The following HCFC2 variants were observed in gnomAD, a reference collection of about 807,000 sequenced individuals.
HCFC2 encodes the protein host cell factor C2, also known as host cell factor 2.
A neutral mutation model predicts 89.2 loss-of-function variants in HCFC2; 18 were observed. The ratio of observed to expected loss-of-function variants is 0.20; its 90% CI spans 0.14 to 0.30. The LOEUF is 0.30. HCFC2 is among the 10% of genes least tolerant of loss of function. HCFC2 has a pLI of 1.00. For synonymous variants in HCFC2, 308 were observed against 335.7 expected (o/e 0.92, Z 0.90); for missense variants, 578 against 956.1 (o/e 0.60, Z 5.21).
chr12:104,082,852 A>G lies in HCFC2; in HGVS notation c.1014A>G (p.Lys338=). ...GGAGTGGAAGAGATGGCTACAAAAA[A>G]GCACTGAATAGTCAAGTTTGCTGCA... ...YFWSGRDGYK[K]ALNSQVCCKD... The change falls in exon 7 of 15, where the codon AAA becomes AAG. Residue 338 remains lysine (K), a synonymous_variant. Transcript: ENST00000229330. 6.2e-7 allele frequency: 1 copy of G among 1,613,134 alleles called. No homozygotes were observed. Among genetic ancestry groups the G allele is most frequent in the Non-Finnish European group, 8.5e-7 (1 of 1,179,728 alleles).
chr12:104,065,107 T>C (rs1883042699), intron 1 of HCFC2: 1 of 165,336 alleles, frequency 6.0e-6, no homozygotes. Flanking sequence ...CCTTAGGGCC[T>C]TTCCCGTCTT....
intron 9 of HCFC2, among the ~76,000 whole-genome samples, chr12:104,089,575 G>A (rs942306807): frequency 5.3e-5 from 8 of 152,166 alleles, no homozygotes; most frequent in Non-Finnish European, 1.0e-4. Flanking sequence ...AACTCATGTT[G>A]TTGAAGGGTC....
intron 7 of HCFC2, among the ~76,000 whole-genome samples, chr12:104,083,575 G>A (rs1329851982): frequency 6.6e-6 from 1 of 152,126 alleles, no homozygotes; most frequent in Non-Finnish European, 1.5e-5. Flanking sequence ...TGAGTTAATA[G>A]TATTACACCA....
In HCFC2 at chr12:104,100,839, G is replaced by A. The variant is rs190287470; in HGVS notation, c.1879-1129G>A. ...GTAGTTTGATTTCATATATAAAGAC[G>A]TGTCTGTGTCTAGGGGCCTAGTAGC... On this transcript the variant is annotated intron_variant, in intron 13 of 14. Coordinates refer to ENST00000229330, the MANE Select transcript of HCFC2 (RefSeq NM_013320.3). 3.1e-4 allele frequency among the ~76,000 whole-genome samples: 47 copies of A among 152,096 alleles called. 1 individual carries two copies. The highest frequency in any genetic ancestry group is 2.9e-3 in the Admixed American group (45 of 15,266).
intron 13 of HCFC2, among the ~76,000 whole-genome samples, chr12:104,100,892 T>A (rs1349796290): frequency 1.3e-5 from 2 of 152,060 alleles, no homozygotes; most frequent in Non-Finnish European, 2.9e-5. Context: ...AAGAAAAAAA[T>A]AGCCTAAAAT....
At chr12:104,070,560 G>A (rs1883289405) in intron 3 of HCFC2, among the ~76,000 whole-genome samples, 1 of 152,078 alleles carries the variant, frequency 6.6e-6, no homozygotes, top group Admixed American at 6.6e-5. Flanking sequence ...CAGTGTCATT[G>A]TGATAGTGAA....
chr12:104,081,754 C>T (rs1297769874), intron 5 of HCFC2, among the ~76,000 whole-genome samples: 1 of 151,662 alleles, frequency 6.6e-6, no homozygotes, highest in East Asian at 1.9e-4. Context: ...AAAAATAGAG[C>T]TGTAGCCAGG....
chr12:104,096,968 A>C lies in HCFC2; in HGVS notation c.1740+535A>C, dbSNP rs532499535. On this transcript the variant is annotated intron_variant, in intron 12 of 14. Coordinates refer to ENST00000229330, the MANE Select transcript of HCFC2 (RefSeq NM_013320.3). ...TGCAATAGTGGATTGACATAAATGTAGGGTAGCCCAATAATCTCTGATATT... is the reference window on the plus strand; with the variant it reads ...TGCAATAGTGGATTGACATAAATGTCGGGTAGCCCAATAATCTCTGATATT... Among the ~76,000 whole-genome samples the C allele has an allele frequency of 4.7e-4, 72 of 152,340 alleles. No individual in the cohort carries two copies. In the South Asian group the frequency reaches 0.014, roughly 30 times the overall value.
At chr12:104,071,989 T>A (rs1370631870) in intron 3 of HCFC2, among the ~76,000 whole-genome samples, 1 of 152,252 alleles carries the variant, frequency 6.6e-6, no homozygotes, top group African/African-American at 2.4e-5. Flanking sequence ...ATTGTGCCCG[T>A]TTTGAAATTG....
Position 104,102,989 on chromosome 12 carries a change from C to G in HCFC2, c.2095C>G (p.Pro699Ala). The change falls in exon 15 of 15, where the codon CCT (proline) becomes GCT (alanine). Residue 699 changes from proline to alanine, a missense_variant. Pro to Ala is a conservative substitution (Grantham distance 27). Coordinates refer to ENST00000229330, the MANE Select transcript of HCFC2 (RefSeq NM_013320.3). ...NVEGIHLSWE[P>A]PTSPSGNILE... ...TGAAGGTATCCACCTTTCCTGGGAA[C>G]CTCCAACCTCACCTTCTGGAAATAT... is the stretch of plus-strand genomic sequence containing the variant. The G allele has an allele frequency of 6.2e-7, 1 of 1,610,734 alleles. No homozygotes were observed. Among genetic ancestry groups the G allele is most frequent in the Non-Finnish European group, 8.5e-7 (1 of 1,177,906 alleles).
At chr12:104,069,725 A>G (rs900466853) in intron 3 of HCFC2, among the ~76,000 whole-genome samples, 4 of 151,536 alleles carry the variant, frequency 2.6e-5, no homozygotes, top group African/African-American at 9.7e-5. Context: ...GTGCATGTGC[A>G]GAATGTGCAG....
Position 104,103,090 on chromosome 12 carries a change from G to C in HCFC2, c.2196G>C (p.Arg732Ser). 1 of 1,614,042 alleles carries C rather than the reference G, an allele frequency of 6.2e-7. No homozygotes were observed. Among genetic ancestry groups the C allele is most frequent in the Non-Finnish European group, 8.5e-7 (1 of 1,179,946 alleles). ...QDNPSQLVFMRIYCGLKTSCI... is the reference protein window; with the variant it reads ...QDNPSQLVFMSIYCGLKTSCI... Reference sequence around the variant, plus strand: ...ATCCAAGTCAACTTGTGTTCATGAGGATTTATTGTGGTCTTAAGACATCAT... The same window carrying C: ...ATCCAAGTCAACTTGTGTTCATGAGCATTTATTGTGGTCTTAAGACATCAT... The change falls in exon 15 of 15, where the codon AGG becomes AGC. Residue 732 changes from arginine (R) to serine (S), a missense_variant. Around this residue, in one of 4 missense-constraint regions of HCFC2, gnomAD observed 140 missense variants for 266.4 expected, o/e 0.53. Coordinates refer to ENST00000229330, the MANE Select transcript of HCFC2 (RefSeq NM_013320.3).
intron 3 of HCFC2, among the ~76,000 whole-genome samples, chr12:104,078,218 G>A (rs1180794169): frequency 6.6e-6 from 1 of 152,030 alleles, no homozygotes; most frequent in East Asian, 1.9e-4. Context: ...AGCTAGGATG[G>A]TCTCGATCTC....
At chr12:104,102,399 C>T (rs760842679) in intron 14 of HCFC2, among the ~76,000 whole-genome samples, 16 of 152,062 alleles carry the variant, frequency 1.1e-4, no homozygotes, top group South Asian at 2.1e-4. Flanking sequence ...GTTTGTTGTG[C>T]ACATTATTTC....
In HCFC2 at chr12:104,105,920, T is replaced by C. The variant is rs1342575898; in HGVS notation, c.*2647T>C. 6.6e-6 allele frequency: 1 copy of C among 152,132 alleles called. No individual in the cohort carries two copies. Among genetic ancestry groups the C allele is most frequent in the Non-Finnish European group, 1.5e-5 (1 of 67,960 alleles). The allele number at this position is 152,132 out of a possible 1,614,324, so 9.4% of individuals were successfully genotyped here. ...AAGCAGTTCAAATATAACAAGACTT[T>C]GTGCCAGTCCTCTTCTGTGTTCTGC... On this transcript the variant is annotated 3_prime_UTR_variant, in exon 15 of 15. Transcript: ENST00000229330.
In HCFC2 at chr12:104,095,619, C is replaced by A; in HGVS notation, c.1666+56C>A. 1 of 1,382,658 alleles carries A rather than the reference C, an allele frequency of 7.2e-7. No individual in the cohort carries two copies. The allele number at this position is 1,382,658 out of a possible 1,614,324, so 85.6% of individuals were successfully genotyped here. ...GAACCATTTATGTATATAAATTCATCAAACTTACTTGTCTTAGATGGGAGT... is the reference window on the plus strand; with the variant it reads ...GAACCATTTATGTATATAAATTCATAAAACTTACTTGTCTTAGATGGGAGT... On this transcript the variant is annotated intron_variant, in intron 11 of 14. Coordinates refer to ENST00000229330, the MANE Select transcript of HCFC2 (RefSeq NM_013320.3). The surrounding 1 kb of genome is among the most constrained non-coding windows in gnomAD (Gnocchi z 4.2).
Position 104,087,010 on chromosome 12 carries a change from G to T in HCFC2, c.1227G>T (p.Met409Ile). Residue 409 changes from methionine (M) to isoleucine (I), a missense_variant, in exon 8 of 15, where the codon ATG becomes ATT. By Grantham distance (10) the Met-to-Ile change is conservative. Transcript: ENST00000229330. Reference sequence around the variant, plus strand: ...CAGATTCTTCAGCAGCACCAAATATGCAAGGTAACATAATTTTCATGCTTA... The same window carrying T: ...CAGATTCTTCAGCAGCACCAAATATTCAAGGTAACATAATTTTCATGCTTA... ...ASSDSSAAPN[M>I]QGVRMDPHRQ... is the part of the protein sequence containing the mutation. 6.2e-7 allele frequency: 1 copy of T among 1,613,266 alleles called. No individual in the cohort carries two copies. Among genetic ancestry groups the T allele is most frequent in the Non-Finnish European group, 8.5e-7 (1 of 1,179,482 alleles).
At chr12:104,072,448 T>G (rs1291759878) in intron 3 of HCFC2, among the ~76,000 whole-genome samples, 1 of 152,094 alleles carries the variant, frequency 6.6e-6, no homozygotes, top group Admixed American at 6.5e-5. Context: ...TATATATCAG[T>G]TTGAGGAGAA....
At chr12:104,101,514 T>G (rs537521107) in intron 13 of HCFC2, among the ~76,000 whole-genome samples, 1 of 152,062 alleles carries the variant, frequency 6.6e-6, no homozygotes, top group East Asian at 1.9e-4. Context: ...CTGTACTACA[T>G]GCTAGTCACT....
Sources: gnomAD v4.1 joint callset for allele counts (sites outside exome capture counted in the v4.1 genomes callset) on GRCh38, gnomAD v4.1.1 for gene constraint, gnomAD v4.1.1 regional missense constraint, Gnocchi (gnomAD v3.1) non-coding constraint, MANE v1.5 for transcripts, NCBI Gene and HGNC (gene_info 2026-07-23, HGNC 2026-07-21) for gene names.